CADM2: variants seen among roughly 807,000 people sequenced by gnomAD.
CADM2 encodes cell adhesion molecule 2.
Under a neutral mutation model 49.8 loss-of-function variants are expected in CADM2, and 12 were observed. That is an observed-to-expected ratio of 0.24 (90% CI 0.15 to 0.39). The LOEUF is 0.39. Among genes scored for constraint, CADM2 ranks in the 10% least tolerant of loss-of-function variants. The probability of loss-of-function intolerance (pLI) is 1.00; values close to 1 mark genes in which losing one functional copy is unlikely to be tolerated. For synonymous variants in CADM2, 214 were observed against 175.4 expected, an observed-to-expected ratio of 1.22 and a Z score of -1.74; for missense variants, 378 against 492.3, an observed-to-expected ratio of 0.77 and a Z score of 2.20.
chr3:85,340,753 T>C (rs1410971765), intron 1 of CADM2, among the ~76,000 whole-genome samples: 1 of 151,638 alleles, frequency 6.6e-6, no homozygotes, highest in Non-Finnish European at 1.5e-5. Flanking sequence ...AATTTACATG[T>C]CTATTCTTGT....
At chr3:85,747,819 G>C (rs964801824) in intron 2 of CADM2, among the ~76,000 whole-genome samples, 1 of 152,042 alleles carries the variant, frequency 6.6e-6, no homozygotes, top group Non-Finnish European at 1.5e-5. Flanking sequence ...GGTTTATACT[G>C]ATTTACTTTT....
chr3:85,874,623 A>T (rs1298636345), intron 3 of CADM2, among the ~76,000 whole-genome samples: 2 of 152,112 alleles, frequency 1.3e-5, no homozygotes, highest in African/African-American at 2.4e-5. Context: ...GTTATGGTTC[A>T]AATACCATAT....
chr3:85,429,481 T>C (rs2036569541), intron 1 of CADM2, among the ~76,000 whole-genome samples: 1 of 152,110 alleles, frequency 6.6e-6, no homozygotes, highest in Admixed American at 6.6e-5. Context: ...GTATTATTTT[T>C]ATTTACTATA....
intron 1 of CADM2, among the ~76,000 whole-genome samples, chr3:85,586,230 A>G (rs2062942779): frequency 6.6e-6 from 1 of 152,066 alleles, no homozygotes; most frequent in Non-Finnish European, 1.5e-5. Context: ...CTGGGCTTTC[A>G]CAATGGAGCC....
chr3:85,518,792 GCCTACCC>G (rs1465357911), intron 1 of CADM2, among the ~76,000 whole-genome samples: 1 of 152,050 alleles, frequency 6.6e-6, no homozygotes, highest in East Asian at 1.9e-4. Flanking sequence ...GGCATTTAAG[GCCTACCC>G]AGATGATCTG....
intron 1 of CADM2, among the ~76,000 whole-genome samples, chr3:85,541,756 T>C (rs1218910098): frequency 3.6e-5 from 1 of 27,860 alleles, no homozygotes; most frequent in African/African-American, 5.9e-5. Flanking sequence ...TTATATATTT[T>C]ATATATATAT....
At chr3:86,039,900 T>A (rs907224671) in intron 8 of CADM2, among the ~76,000 whole-genome samples, 12 of 152,098 alleles carry the variant, frequency 7.9e-5, no homozygotes, top group African/African-American at 2.4e-4. Flanking sequence ...AGAGGAACGA[T>A]CAGGCAGCAA....
At chr3:85,603,476 T>C (rs2063470015) in intron 1 of CADM2, among the ~76,000 whole-genome samples, 1 of 151,976 alleles carries the variant, frequency 6.6e-6, no homozygotes, top group African/African-American at 2.4e-5. Context: ...ATGTGTCAGC[T>C]CACAGGACTC....
chr3:85,898,111 T>C (rs1195119567), intron 5 of CADM2, among the ~76,000 whole-genome samples: 1 of 152,168 alleles, frequency 6.6e-6, no homozygotes, highest in Non-Finnish European at 1.5e-5. Flanking sequence ...GTTTTCTTAA[T>C]GGTGTTAAAC....
At chr3:85,537,411 G>A (rs2061445948) in intron 1 of CADM2, among the ~76,000 whole-genome samples, 1 of 151,958 alleles carries the variant, frequency 6.6e-6, no homozygotes, top group Non-Finnish European at 1.5e-5. Context: ...ATGTTAAATT[G>A]ATGCAATGTA....
At chr3:85,146,190 A>G (rs997721970) in intron 1 of CADM2, among the ~76,000 whole-genome samples, 1 of 152,172 alleles carries the variant, frequency 6.6e-6, no homozygotes, top group African/African-American at 2.4e-5. Context: ...CTTGGCATCA[A>G]TGGATTTTTA....
Position 85,940,134 on chromosome 3 carries a change from T to TA in CADM2, c.791+4278dup, listed in dbSNP as rs1354194389. Among the ~76,000 whole-genome samples the TA allele has an allele frequency of 3.5e-5, 4 of 113,440 alleles. No homozygotes were observed. In the Admixed American group the frequency reaches 5.0e-4, roughly 14 times the overall value. The allele number at this position is 113,440 out of a possible 152,430, so 74.4% of individuals were successfully genotyped here. A position where few individuals can be genotyped will look rare whatever the true frequency, so the allele number is the denominator to read the frequency against. ...AGGAGTTCAAGACCAGCCTGGGCAATATGGTGAAACCCCATCTCTACTAAA... is the reference window on the plus strand; with the variant it reads ...AGGAGTTCAAGACCAGCCTGGGCAATAATGGTGAAACCCCATCTCTACTAAA... On this transcript the variant is annotated intron_variant, in intron 7 of 9. Transcript: ENST00000383699.
intron 1 of CADM2, among the ~76,000 whole-genome samples, chr3:85,127,086 A>G (rs543431928): frequency 6.6e-6 from 1 of 152,302 alleles, no homozygotes; most frequent in East Asian, 1.9e-4. Flanking sequence ...CTCAGATTAT[A>G]TGAACTGTTA....
intron 3 of CADM2, among the ~76,000 whole-genome samples, chr3:85,815,681 G>A (rs1269015579): frequency 2.0e-5 from 3 of 152,058 alleles, no homozygotes; most frequent in Non-Finnish European, 2.9e-5. Context: ...TTTGAAAACC[G>A]GTGCAAGACA....
intron 1 of CADM2, among the ~76,000 whole-genome samples, chr3:85,337,847 T>C (rs114418454): frequency 0.025 from 3,789 of 151,710 alleles, 137 homozygotes; most frequent in African/African-American, 0.086. Context: ...CTTTGTCTTA[T>C]AGGTTCTATT....
intron 7 of CADM2, among the ~76,000 whole-genome samples, chr3:85,959,795 A>G (rs1167538777): frequency 1.3e-5 from 2 of 151,972 alleles, no homozygotes; most frequent in Non-Finnish European, 2.9e-5. Context: ...AGCATAATCA[A>G]TAGGCTATAG....
chr3:85,786,795 A>G (rs1390214345), intron 2 of CADM2, among the ~76,000 whole-genome samples: 1 of 152,050 alleles, frequency 6.6e-6, no homozygotes. Context: ...TATACGTCTC[A>G]CATTCATATA....
intron 1 of CADM2, among the ~76,000 whole-genome samples, chr3:85,592,273 A>G (rs925720497): frequency 6.6e-6 from 1 of 152,096 alleles, no homozygotes; most frequent in African/African-American, 2.4e-5. Context: ...TTTCACTGTA[A>G]TTGATGATTA....
At chr3:85,685,631 T>TG (rs1238558245) in intron 1 of CADM2, among the ~76,000 whole-genome samples, 1 of 148,078 alleles carries the variant, frequency 6.8e-6, no homozygotes, top group African/African-American at 2.5e-5. Context: ...TTTTTTTTTT[T>TG]TTTTGTTTTT....
Sources: allele counts gnomAD v4.1 joint callset (sites outside exome capture counted in the v4.1 genomes callset), GRCh38; gene constraint gnomAD v4.1.1; transcripts MANE v1.5; gene names NCBI Gene and HGNC (gene_info 2026-07-23, HGNC 2026-07-21).